Variants in PIK3CB observed in about 807,000 individuals in gnomAD.
The protein encoded by PIK3CB is phosphatidylinositol-4,5-bisphosphate 3-kinase catalytic subunit beta, also known as phosphatidylinositol 4,5-bisphosphate 3-kinase catalytic subunit beta isoform.
A neutral mutation model predicts 136.8 loss-of-function variants in PIK3CB; 39 were observed. That is an observed-to-expected ratio of 0.29 (90% CI 0.22 to 0.37). The LOEUF is 0.37. PIK3CB is among the 10% of genes least tolerant of loss of function. PIK3CB has a pLI of 1.00. For synonymous variants in PIK3CB, 428 were observed against 436.6 expected, an observed-to-expected ratio of 0.98 and a Z score of 0.25; for missense variants, 868 against 1,275.4, an observed-to-expected ratio of 0.68 and a Z score of 4.87.
At chr3:138,749,438 C>A (rs2045424721) in intron 4 of PIK3CB, among the ~76,000 whole-genome samples, 2 of 152,164 alleles carry the variant, frequency 1.3e-5, no homozygotes, top group Non-Finnish European at 1.5e-5. Context: ...CATTCTACAA[C>A]CTAAATAATC....
intron 1 of PIK3CB, among the ~76,000 whole-genome samples, chr3:138,814,754 C>T (rs1176676004): frequency 6.6e-6 from 1 of 152,086 alleles, no homozygotes; most frequent in East Asian, 1.9e-4. Flanking sequence ...GTAATCCCAG[C>T]ATTTTGGGAG....
chr3:138,659,375 G>A (rs111541701), intron 21 of PIK3CB, among the ~76,000 whole-genome samples: 14 of 152,230 alleles, frequency 9.2e-5, no homozygotes, highest in Admixed American at 4.6e-4. Context: ...TTGACTGGGC[G>A]TGGTGGCGCA....
At chr3:138,799,637 A>G (rs1402493201) in intron 1 of PIK3CB, among the ~76,000 whole-genome samples, 1 of 152,038 alleles carries the variant, frequency 6.6e-6, no homozygotes, top group Admixed American at 6.6e-5. Flanking sequence ...ATGATCTGGT[A>G]TCTGTCTACA....
At chr3:138,659,169 T>A (rs931015326) in intron 21 of PIK3CB, among the ~76,000 whole-genome samples, 4 of 152,224 alleles carry the variant, frequency 2.6e-5, no homozygotes, top group African/African-American at 9.6e-5. Context: ...CACCCCCCAG[T>A]TATGACAACT....
intron 1 of PIK3CB, chr3:138,826,437 A>G: frequency 2.4e-6 from 2 of 842,404 alleles, no homozygotes; most frequent in Non-Finnish European, 3.8e-6. Context: ...ATGACTGGTT[A>G]ATGATAACAA....
chr3:138,744,392 C>CAAAAAAAAAA (rs60503033), intron 4 of PIK3CB, among the ~76,000 whole-genome samples: 4,298 of 45,106 alleles, frequency 0.095, 1,953 homozygotes, highest in South Asian at 0.14. Flanking sequence ...GAGACTCCCC[C>CAAAAAAAAAA]AAAAAAAAAA....
chr3:138,694,500 G>A (rs542393261), intron 14 of PIK3CB, among the ~76,000 whole-genome samples: 3 of 152,172 alleles, frequency 2.0e-5, no homozygotes, highest in African/African-American at 2.4e-5. Context: ...TCCTTTTGCT[G>A]CAATAAATTA....
chr3:138,826,195 A>C, intron 1 of PIK3CB: 3 of 1,262,158 alleles, frequency 2.4e-6, no homozygotes, highest in Non-Finnish European at 3.4e-6. Context: ...TTCTAGGACT[A>C]TCCTCCTCTG....
chr3:138,670,581 C>A (rs2043513099), intron 19 of PIK3CB, among the ~76,000 whole-genome samples: 1 of 152,208 alleles, frequency 6.6e-6, no homozygotes. Flanking sequence ...TAATATGTAA[C>A]CAAGTGGCTG....
chr3:138,777,259 T>C (rs2045869362), intron 2 of PIK3CB, among the ~76,000 whole-genome samples: 1 of 152,176 alleles, frequency 6.6e-6, no homozygotes, highest in Non-Finnish European at 1.5e-5. Context: ...TGAATATGGC[T>C]TCAGTGATGG....
At chr3:138,709,893 T>C (rs1038670242) in intron 10 of PIK3CB, among the ~76,000 whole-genome samples, 1 of 152,008 alleles carries the variant, frequency 6.6e-6, no homozygotes, top group Admixed American at 6.6e-5. Flanking sequence ...ATATGTCAAA[T>C]AGGCTGGGAG....
At chr3:138,700,881 G>T (rs2044237804) in intron 12 of PIK3CB, among the ~76,000 whole-genome samples, 1 of 152,200 alleles carries the variant, frequency 6.6e-6, no homozygotes, top group Non-Finnish European at 1.5e-5. Flanking sequence ...AATGCAAAAA[G>T]AAGTGGGTGA....
intron 2 of PIK3CB, among the ~76,000 whole-genome samples, chr3:138,779,052 A>G (rs2045892783): frequency 6.7e-6 from 1 of 148,524 alleles, no homozygotes; most frequent in Non-Finnish European, 1.5e-5. Context: ...CAACACACAC[A>G]TTTTCCAAAT....
chr3:138,684,976 A>G, intron 16 of PIK3CB, 173 bp from the exon 17 acceptor site: 1 of 522,312 alleles, frequency 1.9e-6, no homozygotes, highest in Non-Finnish European at 3.4e-6. Context: ...TACATACAAT[A>G]AACTTATTTT....
chr3:138,688,500 CA>C lies in PIK3CB; in HGVS notation c.2136+374del, dbSNP rs397991199. ...TGGGCAACAGAGCGAGACTCTGTCA[CA>C]AAAAAAAAAAAAAAAAAAAAGGGTG... On this transcript the variant is annotated intron_variant, in intron 16 of 23. Coordinates refer to ENST00000674063, the MANE Select transcript of PIK3CB (RefSeq NM_006219.3). Among the ~76,000 whole-genome samples the C allele has an allele frequency of 8.3e-3, 695 of 84,036 alleles. 3 individuals carry two copies. Among genetic ancestry groups the C allele is most frequent in the African/African-American group, 0.031 (632 of 20,230 alleles). 55.1% of individuals were successfully genotyped at this position (84,036 alleles called of 152,430 possible). A position where few individuals can be genotyped will look rare whatever the true frequency, so the allele number is the denominator to read the frequency against.
intron 13 of PIK3CB, among the ~76,000 whole-genome samples, chr3:138,695,344 G>A (rs2044112882): frequency 1.3e-5 from 2 of 152,326 alleles, no homozygotes; most frequent in South Asian, 4.1e-4. Context: ...GATGGCAGTG[G>A]TTAGAGGATT....
At chr3:138,658,694 T>C (rs2043233722) in intron 21 of PIK3CB, among the ~76,000 whole-genome samples, 2 of 152,220 alleles carry the variant, frequency 1.3e-5, no homozygotes, top group Non-Finnish European at 2.9e-5. Context: ...TGGCACATTA[T>C]GTCATAATTT....
intron 4 of PIK3CB, among the ~76,000 whole-genome samples, chr3:138,743,373 A>G (rs2045283102): frequency 6.6e-6 from 1 of 152,216 alleles, no homozygotes; most frequent in Admixed American, 6.5e-5. Flanking sequence ...AAAACCTAGT[A>G]CACTTAAATT....
intron 2 of PIK3CB, among the ~76,000 whole-genome samples, chr3:138,771,223 C>CTTTT (rs34387538): frequency 2.3e-5 from 3 of 129,842 alleles, no homozygotes; most frequent in African/African-American, 5.6e-5. Flanking sequence ...TTCATTTTGC[C>CTTTT]TTTTTTTTTT....
Sources: allele counts gnomAD v4.1 joint callset (sites outside exome capture counted in the v4.1 genomes callset), GRCh38; gene constraint gnomAD v4.1.1; transcripts MANE v1.5; gene names NCBI Gene and HGNC (gene_info 2026-07-23, HGNC 2026-07-21).